Variants in EFCAB6 observed in about 807,000 individuals in gnomAD.
EFCAB6 encodes EF-hand calcium-binding domain-containing protein 6.
Under a neutral mutation model 169.8 loss-of-function variants are expected in EFCAB6, and 156 were observed. The observed-to-expected ratio is 0.92, with a 90% confidence interval of 0.81 to 1.05. The LOEUF (loss-of-function observed/expected upper bound fraction) is 1.05. Ranked by LOEUF, EFCAB6 falls within the 50% of genes least tolerant of loss-of-function variation. EFCAB6 has a pLI of 0.00. For missense variants in EFCAB6, 1,800 were observed against 1,829.1 expected, an observed-to-expected ratio of 0.98 and a Z score of 0.29; for synonymous variants, 698 against 676.4, an observed-to-expected ratio of 1.03 and a Z score of -0.50.
At chr22:43,663,363 T>A (rs2057096447) in intron 17 of EFCAB6, among the ~76,000 whole-genome samples, 1 of 152,224 alleles carries the variant, frequency 6.6e-6, no homozygotes, top group African/African-American at 2.4e-5. Flanking sequence ...CATAAGCCCA[T>A]GATATTTCTA....
Position 43,740,282 on chromosome 22 carries a change from C to T in EFCAB6, c.508-4289G>A, listed in dbSNP as rs116203991. On this transcript the variant is annotated intron_variant, in intron 6 of 31. Transcript: ENST00000262726. Reference sequence around the variant, plus strand: ...ATCACCTCCTTTTGTCTTTATGGTCCGTCTCCCCCTCTGAGAGCAAGGTTT... The same window carrying T: ...ATCACCTCCTTTTGTCTTTATGGTCTGTCTCCCCCTCTGAGAGCAAGGTTT... Among the ~76,000 whole-genome samples, 1,288 of 152,188 alleles carry T rather than the reference C, an allele frequency of 8.5e-3. 27 individuals are homozygous for T. The highest frequency in any genetic ancestry group is 0.029 in the African/African-American group (1,222 of 41,514).
intron 24 of EFCAB6, among the ~76,000 whole-genome samples, chr22:43,589,609 G>A (rs554898094): frequency 8.5e-5 from 13 of 152,252 alleles, no homozygotes; most frequent in African/African-American, 3.1e-4. Context: ...CCAACGTGGT[G>A]AAACCCCGTC....
At chr22:43,543,235 G>T (rs1283791527) in intron 27 of EFCAB6, among the ~76,000 whole-genome samples, 2 of 152,176 alleles carry the variant, frequency 1.3e-5, no homozygotes, top group African/African-American at 2.4e-5. Context: ...ACCGAGGAGG[G>T]GAGGAAGAAG....
At chr22:43,627,161 T>G (rs536752791) in intron 19 of EFCAB6, among the ~76,000 whole-genome samples, 1 of 152,242 alleles carries the variant, frequency 6.6e-6, no homozygotes, top group African/African-American at 2.4e-5. Flanking sequence ...GTGATAGAGA[T>G]CAGCCGTGTC....
chr22:43,546,991 C>A (rs1007689489), intron 27 of EFCAB6, among the ~76,000 whole-genome samples: 3 of 151,724 alleles, frequency 2.0e-5, no homozygotes, highest in Non-Finnish European at 4.4e-5. Context: ...AAGATCATAA[C>A]TAAAGGAAAT....
chr22:43,694,165 T>G (rs2058496762), intron 10 of EFCAB6, among the ~76,000 whole-genome samples: 2 of 151,892 alleles, frequency 1.3e-5, no homozygotes, highest in Non-Finnish European at 1.5e-5. Flanking sequence ...TATATAATAC[T>G]AGATGGTCTG....
At chr22:43,743,348 G>A (rs2060441081) in intron 6 of EFCAB6, among the ~76,000 whole-genome samples, 1 of 152,144 alleles carries the variant, frequency 6.6e-6, no homozygotes, top group South Asian at 2.1e-4. Context: ...GTATCAAATC[G>A]CCTCTTTGCC....
intron 6 of EFCAB6, among the ~76,000 whole-genome samples, chr22:43,747,882 G>A (rs768306906): frequency 2.6e-5 from 4 of 152,180 alleles, no homozygotes; most frequent in African/African-American, 4.8e-5. Context: ...CTGTCAGTAT[G>A]AGCAACTTGT....
Position 43,772,875 on chromosome 22 carries a change from T to G in EFCAB6, c.351+17A>C. The G allele has an allele frequency of 6.2e-7, 1 of 1,613,610 alleles. No individual in the cohort carries two copies. Among genetic ancestry groups the G allele is most frequent in the Non-Finnish European group, 8.5e-7 (1 of 1,179,560 alleles). ...GTCTGGAATTGAGGGATTCTAAGTA[T>G]GTACAACATACAGCACCTGAGCCAA... On this transcript the variant is annotated intron_variant, in intron 4 of 31. Transcript: ENST00000262726.
intron 17 of EFCAB6, among the ~76,000 whole-genome samples, chr22:43,660,342 G>A (rs1426449040): frequency 6.6e-6 from 1 of 151,982 alleles, no homozygotes; most frequent in Non-Finnish European, 1.5e-5. Flanking sequence ...TTCCCCATGT[G>A]CCTGGTGCCA....
At chr22:43,786,704 A>C (rs1372473923) in intron 2 of EFCAB6, among the ~76,000 whole-genome samples, 1 of 151,962 alleles carries the variant, frequency 6.6e-6, no homozygotes, top group Non-Finnish European at 1.5e-5. Context: ...ATAGAGCGAG[A>C]CTCCATAAAA....
At chr22:43,734,002 C>T (rs149542652) in intron 7 of EFCAB6, among the ~76,000 whole-genome samples, 32 of 152,208 alleles carry the variant, frequency 2.1e-4, no homozygotes, top group African/African-American at 7.5e-4. Flanking sequence ...CCACCGCGCC[C>T]GGCCAGTCCC....
At chr22:43,699,476 G>A (rs1481507433) in intron 10 of EFCAB6, among the ~76,000 whole-genome samples, 2 of 152,114 alleles carry the variant, frequency 1.3e-5, no homozygotes. Flanking sequence ...GGCCTTACTT[G>A]AACCTGCCTT....
At chr22:43,702,566 C>T (rs137935208) in intron 10 of EFCAB6, among the ~76,000 whole-genome samples, 62 of 152,312 alleles carry the variant, frequency 4.1e-4, no homozygotes, top group Middle Eastern at 6.8e-3. Flanking sequence ...TGGAGGTGGA[C>T]GCCCAGCTTC....
chr22:43,602,731 G>A (rs1008001089), intron 22 of EFCAB6, among the ~76,000 whole-genome samples: 4 of 152,004 alleles, frequency 2.6e-5, no homozygotes, highest in Admixed American at 6.6e-5. Flanking sequence ...CCAGGGAGCA[G>A]TGCACCTCTT....
chr22:43,785,989 A>G (rs1355576463), intron 2 of EFCAB6, among the ~76,000 whole-genome samples: 1 of 152,238 alleles, frequency 6.6e-6, no homozygotes, highest in African/African-American at 2.4e-5. Context: ...AGATTGAATT[A>G]ATAACCAAAA....
At chr22:43,555,558 G>A (rs888467384) in intron 26 of EFCAB6, among the ~76,000 whole-genome samples, 3 of 152,226 alleles carry the variant, frequency 2.0e-5, no homozygotes, top group Non-Finnish European at 4.4e-5. Context: ...ATTTGAAAGG[G>A]GGGTTTTGAT....
In EFCAB6 at chr22:43,683,758, T is replaced by TA; in HGVS notation, c.1239_1240insT (p.Ile414TyrfsTer5). 1 of 1,608,178 alleles carries TA rather than the reference T, an allele frequency of 6.2e-7. No homozygotes were observed. The highest frequency in any genetic ancestry group is 8.5e-7 in the Non-Finnish European group (1 of 1,174,626). ...TTTCAAAATCTTACAGTGTTGATTATCAGTAATGCTTTCTTCAGTGACGCA... is the reference window on the plus strand; with the variant it reads ...TTTCAAAATCTTACAGTGTTGATTATACAGTAATGCTTTCTTCAGTGACGCA... On this transcript the variant is annotated frameshift_variant, in exon 12 of 32. Coordinates refer to ENST00000262726, the MANE Select transcript of EFCAB6 (RefSeq NM_022785.4). LOFTEE classifies it high-confidence loss of function.
Position 43,668,903 on chromosome 22 carries a change from C to G in EFCAB6, c.1783G>C (p.Asp595His). 1.9e-6 allele frequency: 3 copies of G among 1,607,328 alleles called. No homozygotes were observed. The African/African-American group carries it at 4.0e-5, about 21-fold the overall frequency. The change falls in exon 16 of 32, where the codon GAT (aspartate) becomes CAT (histidine). Residue 595 changes from aspartate (D) to histidine (H), a missense_variant. Physicochemically the swap from Asp to His is moderately conservative, Grantham distance 81 (BLOSUM62 -1). Transcript: ENST00000262726. Reference sequence around the variant, plus strand: ...GAAAGATCTGGCTGCTGCTGTTCATCTTTTTGTAAATGTTCACTTAACAGC... The same window carrying G: ...GAAAGATCTGGCTGCTGCTGTTCATGTTTTTGTAAATGTTCACTTAACAGC... ...DQLLSEHLQK[D>H]EQQQPDLSER...
Sources: allele counts gnomAD v4.1 joint callset (sites outside exome capture counted in the v4.1 genomes callset), GRCh38; gene constraint gnomAD v4.1.1; transcripts MANE v1.5; gene names NCBI Gene and HGNC (gene_info 2026-07-23, HGNC 2026-07-21).